The following RTN4RL2 variants were observed in gnomAD, a reference collection of about 807,000 sequenced individuals.
RTN4RL2 encodes the protein reticulon 4 receptor like 2.
RTN4RL2 carries 9 observed loss-of-function variants against 27.8 expected under a neutral mutation model. That is an observed-to-expected ratio of 0.32 (90% CI 0.20 to 0.57). The LOEUF is 0.57. RTN4RL2 is among the 20% of genes least tolerant of loss of function. RTN4RL2 has a pLI of 0.90. For missense variants in RTN4RL2, 436 were observed against 596.8 expected (o/e 0.73, Z 2.81); for synonymous variants, 285 against 297.9 (o/e 0.96, Z 0.45).
chr11:57,463,498 G>A (rs1247540475), intron 1 of RTN4RL2, among the ~76,000 whole-genome samples: 1 of 152,150 alleles, frequency 6.6e-6, no homozygotes, highest in Non-Finnish European at 1.5e-5. Flanking sequence ...CTGGTCAGGA[G>A]GCCTGGGGTG....
In RTN4RL2 at chr11:57,467,541, GGCTGGCCCCCA is replaced by G. The variant is rs1235417985; in HGVS notation, c.32-61_32-51del. ...GTCTAGGCCTTTTACCAAGTTGGGG[GGCTGGCCCCCA>G]GCTGGCACTCCTGCCCTGGAAGCCC... On this transcript the variant is annotated intron_variant, in intron 1 of 2. Transcript: ENST00000335099. This position sits in a 1 kb window ranked among gnomAD's most constrained non-coding sequence, Gnocchi z 5.5. 3 of 1,537,870 alleles carry G rather than the reference GGCTGGCCCCCA, an allele frequency of 2.0e-6. No homozygotes were observed. Among genetic ancestry groups the G allele is most frequent in the African/African-American group, 2.8e-5 (2 of 72,722 alleles).
chr11:57,461,421 G>T (rs1244851770), intron 1 of RTN4RL2, among the ~76,000 whole-genome samples: 1 of 150,070 alleles, frequency 6.7e-6, no homozygotes, highest in East Asian at 2.0e-4. Flanking sequence ...AGATAAGGGT[G>T]TGGGCCAGAG....
chr11:57,473,516 G>A (rs1476662948), intron 2 of RTN4RL2, among the ~76,000 whole-genome samples: 1 of 148,064 alleles, frequency 6.8e-6, no homozygotes, highest in African/African-American at 2.5e-5. Flanking sequence ...AGGGAAATGT[G>A]GTTTTTGAAA....
intron 2 of RTN4RL2, among the ~76,000 whole-genome samples, chr11:57,470,082 C>T (rs1943552911): frequency 1.3e-5 from 2 of 152,118 alleles, no homozygotes; most frequent in Non-Finnish European, 1.5e-5. Flanking sequence ...GGGGACAGTA[C>T]TCTGGAGTAC....
chr11:57,473,565 G>A (rs996738155), intron 2 of RTN4RL2, among the ~76,000 whole-genome samples: 2 of 138,102 alleles, frequency 1.4e-5, no homozygotes, highest in African/African-American at 5.3e-5. Flanking sequence ...TCAGCCCAGA[G>A]GGAGGGGAGA....
At chr11:57,475,131 A>G (rs1213630182) in intron 2 of RTN4RL2, among the ~76,000 whole-genome samples, 2 of 152,192 alleles carry the variant, frequency 1.3e-5, no homozygotes, top group Non-Finnish European at 2.9e-5. Flanking sequence ...ATGGTTGACT[A>G]TGCACCTGCC....
In RTN4RL2 at chr11:57,477,065, C is replaced by T. The variant is rs776648174; in HGVS notation, c.*154C>T. ...CCTCCCCGGGGAGCAGGCCGCCTCT[C>T]CTTGCCTGCCCCCTGGGCTGTCCTG... On this transcript the variant is annotated 3_prime_UTR_variant, in exon 3 of 3. Coordinates refer to ENST00000335099, the MANE Select transcript of RTN4RL2 (RefSeq NM_178570.3). The T allele has an allele frequency of 6.0e-4, 429 of 712,970 alleles. No individual in the cohort carries two copies. The highest frequency in any genetic ancestry group is 2.0e-3 in the Middle Eastern group (5 of 2,508). 44.2% of individuals were successfully genotyped at this position (712,970 alleles called of 1,614,324 possible).
At position 57,476,809 on chromosome 11, in the gene RTN4RL2, C is replaced by T; in HGVS notation, c.1161C>T (p.Gly387=). 3 of 1,541,552 alleles carry T rather than the reference C, an allele frequency of 1.9e-6. No individual in the cohort carries two copies. Among genetic ancestry groups the T allele is most frequent in the Non-Finnish European group, 2.6e-6 (3 of 1,150,336 alleles). ...AGCGAGGGGAGCAGATGTGCCCCGG[C>T]GCTGCCTGCCAGGCGCCCCCGGACT... is the stretch of plus-strand genomic sequence containing the variant. ...EDQRGEQMCP[G]AACQAPPDSR... is the part of the protein sequence containing the mutation. Residue 387 remains glycine, a synonymous_variant, in exon 3 of 3, where the codon GGC becomes GGT. Transcript: ENST00000335099. This position sits in a 1 kb window ranked among gnomAD's most constrained non-coding sequence, Gnocchi z 8.2.
At chr11:57,475,471 G>A (rs565662576) in intron 2 of RTN4RL2, among the ~76,000 whole-genome samples, 81 of 151,564 alleles carry the variant, frequency 5.3e-4, no homozygotes, top group African/African-American at 1.8e-3. Context: ...TTACAGATGA[G>A]GAAACAGGCA....
In RTN4RL2 at chr11:57,477,083, C is replaced by A; in HGVS notation, c.*172C>A. ...CGCCTCTCCTTGCCTGCCCCCTGGG[C>A]TGTCCTGACTTGTGGCAGCCCCAAG... On this transcript the variant is annotated 3_prime_UTR_variant, in exon 3 of 3. Transcript: ENST00000335099. 1.7e-6 allele frequency: 1 copy of A among 599,322 alleles called. No individual in the cohort carries two copies. The highest frequency in any genetic ancestry group is 2.7e-6 in the Non-Finnish European group (1 of 369,074). 37.1% of individuals were successfully genotyped at this position (599,322 alleles called of 1,614,324 possible).
chr11:57,472,050 G>T (rs1483820476), intron 2 of RTN4RL2, among the ~76,000 whole-genome samples: 1 of 151,978 alleles, frequency 6.6e-6, no homozygotes, highest in Non-Finnish European at 1.5e-5. Flanking sequence ...GTAGAGACGG[G>T]GTTTCACCAT....
chr11:57,471,781 G>A (rs1408415943), intron 2 of RTN4RL2, among the ~76,000 whole-genome samples: 2 of 152,210 alleles, frequency 1.3e-5, no homozygotes, highest in Non-Finnish European at 2.9e-5. Context: ...GGATTCAGGA[G>A]AGAACAGAAA....
intron 2 of RTN4RL2, among the ~76,000 whole-genome samples, chr11:57,469,617 T>C (rs535621376): frequency 3.3e-5 from 5 of 152,308 alleles, no homozygotes; most frequent in Admixed American, 3.3e-4. Context: ...CTTGTTAAAA[T>C]ACTATTTTAA....
rs1943537091 is a variant in RTN4RL2, at chr11:57,467,810, G to C, written c.233G>C (p.Gly78Ala). The part of the protein sequence containing the change: ...QNNLIRTLRP[G>A]TFGSNLLTLW... ...AACCTCATCCGCACGCTGCGGCCAG[G>C]CACCTTTGGGTCCAACCTGCTCACC... The change falls in exon 2 of 3, where the codon GGC becomes GCC. Residue 78 changes from glycine (G) to alanine (A), a missense_variant. Gly to Ala is a moderately conservative substitution (Grantham distance 60, BLOSUM62 0). Coordinates refer to ENST00000335099, the MANE Select transcript of RTN4RL2 (RefSeq NM_178570.3). This position sits in a 1 kb window ranked among gnomAD's most constrained non-coding sequence, Gnocchi z 5.5. 2 of 1,613,988 alleles carry C rather than the reference G, an allele frequency of 1.2e-6. No homozygotes were observed. Among genetic ancestry groups the C allele is most frequent in the East Asian group, 2.2e-5 (1 of 44,884 alleles).
chr11:57,468,598 C>T (rs1392956048), intron 2 of RTN4RL2: 3 of 1,536,726 alleles, frequency 2.0e-6, no homozygotes, highest in Middle Eastern at 1.7e-4. Flanking sequence ...CTGTTTTTCT[C>T]ACCCACCCTC....
intron 1 of RTN4RL2, among the ~76,000 whole-genome samples, chr11:57,463,874 G>A (rs568968565): frequency 2.8e-4 from 42 of 151,978 alleles, no homozygotes; most frequent in African/African-American, 1.0e-3. Context: ...CACCACCTCT[G>A]CCCTGGAGTG....
In RTN4RL2 at chr11:57,473,970, A is replaced by G. The variant is rs193087687; in HGVS notation, c.514-2192A>G. Among the ~76,000 whole-genome samples the G allele has an allele frequency of 1.0e-3, 155 of 151,750 alleles. 1 individual carries two copies. Among genetic ancestry groups the G allele is most frequent in the African/African-American group, 3.5e-3 (145 of 41,352 alleles). ...GATTACCCCTGCTCACTCTCCCCCA[A>G]CCCCCGGCCCCTTATCGATCCTCTG... On this transcript the variant is annotated intron_variant, in intron 2 of 2. Transcript: ENST00000335099.
rs1312472538 is a variant in RTN4RL2 at position 57,467,594 on chromosome 11, T to C, written c.32-15T>C. On this transcript the variant is annotated splice_polypyrimidine_tract_variant and intron_variant, in intron 1 of 2. Transcript: ENST00000335099. This position sits in a 1 kb window ranked among gnomAD's most constrained non-coding sequence, Gnocchi z 5.5. ...TGGAAGCCCACCTAGTAAGTTCTGCTTCCCCTCCCCACAGCTCCCGCCTCG... is the reference window on the plus strand; with the variant it reads ...TGGAAGCCCACCTAGTAAGTTCTGCCTCCCCTCCCCACAGCTCCCGCCTCG... The C allele has an allele frequency of 1.9e-6, 3 of 1,588,736 alleles. No homozygotes were observed. The highest frequency in any genetic ancestry group is 4.5e-5 in the East Asian group (2 of 44,612).
rs2135118893 is a variant in RTN4RL2, at chr11:57,467,696, C to T, written c.119C>T (p.Ser40Phe). 1 of 1,612,070 alleles carries T rather than the reference C, an allele frequency of 6.2e-7. No homozygotes were observed. Among genetic ancestry groups the T allele is most frequent in the Admixed American group, 1.7e-5 (1 of 60,020 alleles). The change falls in exon 2 of 3, where the codon TCC (serine) becomes TTC (phenylalanine). Residue 40 changes from serine to phenylalanine, a missense_variant. Around this residue, in one of 3 missense-constraint regions of RTN4RL2, gnomAD observed 365 missense variants for 530.5 expected, o/e 0.69. Transcript: ENST00000335099. This position sits in a 1 kb window ranked among gnomAD's most constrained non-coding sequence, Gnocchi z 5.5. ...CCCATGCTCTGCACCTGCTACTCAT[C>T]CCCGCCCACCGTGAGCTGCCAGGCC... is the stretch of plus-strand genomic sequence containing the variant. ...SCPMLCTCYS[S>F]PPTVSCQANN...
Sources: gnomAD v4.1 joint callset for allele counts (sites outside exome capture counted in the v4.1 genomes callset) on GRCh38, gnomAD v4.1.1 for gene constraint, gnomAD v4.1.1 regional missense constraint, Gnocchi (gnomAD v3.1) non-coding constraint, MANE v1.5 for transcripts, NCBI Gene and HGNC (gene_info 2026-07-23, HGNC 2026-07-21) for gene names.